Variants in SYNE2 observed in about 807,000 individuals in gnomAD.
The protein encoded by SYNE2 is nesprin-2.
Under a neutral mutation model 856.3 loss-of-function variants are expected in SYNE2, and 431 were observed. The observed-to-expected ratio is 0.50, with a 90% CI of 0.47 to 0.55. The LOEUF (loss-of-function observed/expected upper bound fraction) is 0.55. Among genes scored for constraint, SYNE2 ranks in the 20% least tolerant of loss-of-function variants. The probability of loss-of-function intolerance (pLI) is 0.00; values close to 1 mark genes in which losing one functional copy is unlikely to be tolerated. For synonymous variants in SYNE2, 2,923 were observed against 2,872.3 expected (o/e 1.02, Z -0.56); for missense variants, 8,129 against 8,023.2 (o/e 1.01, Z -0.50).
chr14:64,107,086 C>T (rs1418141504), intron 64 of SYNE2, among the ~76,000 whole-genome samples: 1 of 152,152 alleles, frequency 6.6e-6, no homozygotes, highest in Non-Finnish European at 1.5e-5. Flanking sequence ...AACTCCTGAG[C>T]ACAAGCAATT....
chr14:64,225,403 G>GC lies in SYNE2; in HGVS notation c.20602dup (p.Leu6868ProfsTer54). On this transcript the variant is annotated frameshift_variant, in exon 116 of 116. Coordinates refer to ENST00000555002, the MANE Select transcript of SYNE2 (RefSeq NM_182914.3). LOFTEE classifies it high-confidence loss of function. Reference sequence around the variant, plus strand: ...TACCCCTGCAGCTGCTCCTCCTGCTGCTGCTGCTCCTGGCCTGCCTGCTGC... The same window carrying GC: ...TACCCCTGCAGCTGCTCCTCCTGCTGCCTGCTGCTCCTGGCCTGCCTGCTGC... 1 of 1,614,084 alleles carries GC rather than the reference G, an allele frequency of 6.2e-7. No homozygotes were observed. The highest frequency in any genetic ancestry group is 8.5e-7 in the Non-Finnish European group (1 of 1,179,950).
intron 27 of SYNE2, among the ~76,000 whole-genome samples, chr14:63,999,723 T>G (rs2096739597): frequency 6.6e-6 from 1 of 152,224 alleles, no homozygotes. Flanking sequence ...ATGCACGCCC[T>G]GAGTGCATTA....
At chr14:64,162,601 G>T (rs189434265) in intron 88 of SYNE2, 1 of 391,318 alleles carries the variant, frequency 2.6e-6, no homozygotes, top group Non-Finnish European at 4.9e-6. Context: ...GTGTGACCCT[G>T]TAAGAATAAT....
chr14:64,107,827 A>G (rs528116093), intron 65 of SYNE2, among the ~76,000 whole-genome samples: 1 of 152,288 alleles, frequency 6.6e-6, no homozygotes, highest in African/African-American at 2.4e-5. Flanking sequence ...GACGCTTTTC[A>G]CTCATTTACC....
chr14:64,132,611 G>A (rs17179096), intron 77 of SYNE2, among the ~76,000 whole-genome samples, 173 bp downstream of exon 77: 1,626 of 152,322 alleles, frequency 0.011, 14 homozygotes, highest in South Asian at 0.022. Context: ...TGAAGGAAAA[G>A]TTGGCTGGGA....
At chr14:64,219,116 T>TG in intron 109 of SYNE2, 92 bp from the exon 110 acceptor site, 2 of 969,202 alleles carry the variant, frequency 2.1e-6, no homozygotes, top group Admixed American at 2.9e-5. Context: ...TTTTTTTTTT[T>TG]TTTTTTTTAA....
At chr14:64,012,015 T>A (rs1017441369) in intron 32 of SYNE2, among the ~76,000 whole-genome samples, 1 of 152,114 alleles carries the variant, frequency 6.6e-6, no homozygotes, top group Non-Finnish European at 1.5e-5. Context: ...TCAATCTCTG[T>A]GGGTATGGAG....
At chr14:64,028,644 ATAT>A (rs542935891) in intron 43 of SYNE2, among the ~76,000 whole-genome samples, 175 of 152,244 alleles carry the variant, frequency 1.1e-3, no homozygotes, top group African/African-American at 4.0e-3. Flanking sequence ...TTTGATGATG[ATAT>A]TATATTCTCT....
chr14:64,082,085 C>CA (rs796494220), intron 57 of SYNE2, among the ~76,000 whole-genome samples: 4,646 of 137,808 alleles, frequency 0.034, 225 homozygotes, highest in African/African-American at 0.11. Flanking sequence ...GACTCCGTCT[C>CA]AAAAAAAAAA....
chr14:64,052,999 A>G lies in SYNE2; in HGVS notation c.9086A>G (p.Lys3029Arg), dbSNP rs2097239176. The G allele has an allele frequency of 6.2e-7, 1 of 1,611,606 alleles. No homozygotes were observed. The change falls in exon 48 of 116, where the codon AAG becomes AGG. Residue 3029 changes from lysine to arginine, a missense_variant. Around this residue, in one of 3 missense-constraint regions of SYNE2, gnomAD observed 5,410 missense variants for 5,284.8 expected, o/e 1.02. Transcript: ENST00000555002. ...QLQTQVFEKE[K>R]ELEEKIKQLD... ...CAAACCCAAGTATTTGAAAAAGAAA[A>G]GGAACTTGAAGAAAAAATTAAGCAG...
chr14:64,087,990 C>G (rs2097577011), intron 58 of SYNE2, 134 bp downstream of exon 58: 1 of 916,164 alleles, frequency 1.1e-6, no homozygotes, highest in Non-Finnish European at 1.7e-6. Context: ...CAAGACAAGC[C>G]TGGCCAACAT....
chr14:63,814,769 T>C (rs1213438155), intron 1 of SYNE2, among the ~76,000 whole-genome samples: 1 of 36,534 alleles, frequency 2.7e-5, no homozygotes, highest in African/African-American at 6.9e-5. Flanking sequence ...TATATATCCA[T>C]ATATATATCC....
chr14:64,225,662 G>A lies in SYNE2; in HGVS notation c.*136G>A. The A allele has an allele frequency of 1.0e-6, 1 of 979,710 alleles. No homozygotes were observed. The highest frequency in any genetic ancestry group is 1.4e-5 in the South Asian group (1 of 72,530). 60.7% of individuals were successfully genotyped at this position (979,710 alleles called of 1,614,324 possible). A position where few individuals can be genotyped will look rare whatever the true frequency, so the allele number is the denominator to read the frequency against. On this transcript the variant is annotated 3_prime_UTR_variant, in exon 116 of 116. Transcript: ENST00000555002. ...TGCAGACTTCTTCTGGGCTTACCCAGCACGGGCTCCCTGGAGCCCAGGGCA... is the reference window on the plus strand; with the variant it reads ...TGCAGACTTCTTCTGGGCTTACCCAACACGGGCTCCCTGGAGCCCAGGGCA...
In SYNE2 at chr14:64,024,948, G is replaced by T; in HGVS notation, c.5877G>T (p.Leu1959Phe). 1.2e-6 allele frequency: 2 copies of T among 1,613,966 alleles called. No individual in the cohort carries two copies. The highest frequency in any genetic ancestry group is 2.2e-5 in the South Asian group (2 of 91,052). ...ACCATAGAAACCTGAGGAAGTGGTT[G>T]ACTAATCAAGAAGAGAAATGGAAAG... Reference protein sequence around the residue: ...QDDHRNLRKWLTNQEEKWKGM... With the variant: ...QDDHRNLRKWFTNQEEKWKGM... The change falls in exon 40 of 116, where the codon TTG becomes TTT. Residue 1959 changes from leucine to phenylalanine, a missense_variant. Around this residue, in one of 3 missense-constraint regions of SYNE2, gnomAD observed 2,422 missense variants for 2,357.4 expected, o/e 1.03. Coordinates refer to ENST00000555002, the MANE Select transcript of SYNE2 (RefSeq NM_182914.3).
At chr14:63,885,827 C>T (rs964275324) in intron 1 of SYNE2, among the ~76,000 whole-genome samples, 1 of 152,202 alleles carries the variant, frequency 6.6e-6, no homozygotes, top group African/African-American at 2.4e-5. Context: ...CATTTATTGA[C>T]TACTCGCTGT....
At chr14:64,095,871 T>A (rs904770277) in intron 61 of SYNE2, among the ~76,000 whole-genome samples, 3 of 152,140 alleles carry the variant, frequency 2.0e-5, no homozygotes, top group Non-Finnish European at 4.4e-5. Flanking sequence ...TCGGGAGGTG[T>A]GGCCTTTGGG....
Position 64,208,878 on chromosome 14 carries a change from C to T in SYNE2, c.18322C>T (p.Gln6108Ter). 6.2e-7 allele frequency: 1 copy of T among 1,614,226 alleles called. No individual in the cohort carries two copies. Among genetic ancestry groups the T allele is most frequent in the South Asian group, 1.1e-5 (1 of 91,082 alleles). Residue 6108 changes from glutamine (Q) to a stop codon, truncating the protein, a stop_gained, in exon 101 of 116, where the codon CAG (glutamine) becomes TAG (stop). Coordinates refer to ENST00000555002, the MANE Select transcript of SYNE2 (RefSeq NM_182914.3). LOFTEE classifies it high-confidence loss of function. ...TGAGACCGAGTGTGACTCGATCCAG[C>T]AGACCACCAGGAGCCTGGACAGACG... ...ANETECDSIQ[Q>*]TTRSLDRRWR... is the part of the protein sequence containing the mutation.
Position 64,159,421 on chromosome 14 carries a change from A to G in SYNE2, c.16073A>G (p.Lys5358Arg). Residue 5358 changes from lysine to arginine, a missense_variant, in exon 87 of 116, where the codon AAA becomes AGA. Physicochemically the swap from Lys to Arg is conservative, Grantham distance 26. Transcript: ENST00000555002. ...TCTGTTGCTGAAATAATCGAAGAGAAATGCCAAAATACTCATAAAAGGTAT... is the reference window on the plus strand; with the variant it reads ...TCTGTTGCTGAAATAATCGAAGAGAGATGCCAAAATACTCATAAAAGGTAT... ...CPSVAEIIEE[K>R]CQNTHKRWTQ... 1 of 1,613,874 alleles carries G rather than the reference A, an allele frequency of 6.2e-7. No homozygotes were observed. The highest frequency in any genetic ancestry group is 8.5e-7 in the Non-Finnish European group (1 of 1,179,824).
intron 114 of SYNE2, 63 bp downstream of exon 114, chr14:64,224,610 G>A (rs1214077306): frequency 6.3e-7 from 1 of 1,582,398 alleles, no homozygotes; most frequent in Non-Finnish European, 8.7e-7. Flanking sequence ...CTAAGATGAG[G>A]GAAGCTTGGG....
Sources: gnomAD v4.1 joint callset for allele counts (sites outside exome capture counted in the v4.1 genomes callset) on GRCh38, gnomAD v4.1.1 for gene constraint, gnomAD v4.1.1 regional missense constraint, MANE v1.5 for transcripts, NCBI Gene and HGNC (gene_info 2026-07-23, HGNC 2026-07-21) for gene names.